Variants in TMEM132C observed in about 807,000 individuals in gnomAD.
TMEM132C encodes the protein transmembrane protein 132C, also known as protein phosphatase 1, regulatory subunit 152.
In TMEM132C, 29 loss-of-function variants were observed where a neutral mutation model predicts 61.4. The ratio of observed to expected loss-of-function variants is 0.47; its 90% CI spans 0.35 to 0.64. TMEM132C has a LOEUF of 0.64. Among genes scored for constraint, TMEM132C ranks in the 30% least tolerant of loss-of-function variants. TMEM132C has a pLI of 0.00. For missense variants in TMEM132C, 1,408 were observed against 1,476.9 expected (o/e 0.95, Z 0.76); for synonymous variants, 656 against 633.1 (o/e 1.04, Z -0.54).
chr12:128,411,710 G>T (rs2136018484), intron 1 of TMEM132C, among the ~76,000 whole-genome samples: 1 of 152,158 alleles, frequency 6.6e-6, no homozygotes, highest in Non-Finnish European at 1.5e-5. Context: ...TTGCTCTTGG[G>T]ATCTCATTGA....
At chr12:128,692,181 C>T (rs189269363) in intron 5 of TMEM132C, among the ~76,000 whole-genome samples, 1 of 152,354 alleles carries the variant, frequency 6.6e-6, no homozygotes, top group African/African-American at 2.4e-5. Flanking sequence ...CACCCATTCA[C>T]CTGTCCATCC....
chr12:128,359,447 C>A (rs1031423632), intron 1 of TMEM132C, among the ~76,000 whole-genome samples: 1 of 152,194 alleles, frequency 6.6e-6, no homozygotes, highest in Non-Finnish European at 1.5e-5. Context: ...CTGGCCCCAC[C>A]CTTGCCATGT....
intron 2 of TMEM132C, among the ~76,000 whole-genome samples, chr12:128,458,283 A>T (rs921453031): frequency 1.4e-5 from 1 of 70,582 alleles, no homozygotes; most frequent in Non-Finnish European, 2.5e-5. Flanking sequence ...TATAATATTT[A>T]GTATTGTAAT....
chr12:128,362,315 T>A (rs1054978254), intron 1 of TMEM132C, among the ~76,000 whole-genome samples: 1 of 152,020 alleles, frequency 6.6e-6, no homozygotes, highest in Non-Finnish European at 1.5e-5. Flanking sequence ...CACCCATGAG[T>A]TCTTGCATCT....
chr12:128,358,811 C>G (rs1419956277), intron 1 of TMEM132C, among the ~76,000 whole-genome samples: 1 of 152,110 alleles, frequency 6.6e-6, no homozygotes, highest in African/African-American at 2.4e-5. Flanking sequence ...CGCACACAGG[C>G]TTCCAAGATA....
At chr12:128,682,652 A>G (rs1954645008) in intron 5 of TMEM132C, among the ~76,000 whole-genome samples, 2 of 152,224 alleles carry the variant, frequency 1.3e-5, no homozygotes, top group South Asian at 2.1e-4. Flanking sequence ...AAAATATCAG[A>G]CATATAACGC....
chr12:128,665,117 TCACA>T (rs768340152), intron 4 of TMEM132C, among the ~76,000 whole-genome samples: 10 of 95,536 alleles, frequency 1.0e-4, no homozygotes, highest in South Asian at 3.5e-4. Flanking sequence ...ACACAGGCAC[TCACA>T]CACACATAGG....
At chr12:128,490,205 G>A (rs1019641589) in intron 2 of TMEM132C, among the ~76,000 whole-genome samples, 5 of 152,212 alleles carry the variant, frequency 3.3e-5, no homozygotes, top group African/African-American at 9.7e-5. Context: ...AAGAGACTGG[G>A]TTTTGAGCCA....
chr12:128,626,741 G>A (rs71464404), intron 4 of TMEM132C, among the ~76,000 whole-genome samples: 4,158 of 152,202 alleles, frequency 0.027, 79 homozygotes, highest in Middle Eastern at 0.054. Context: ...CACCATGCCC[G>A]GCCAGTAACT....
At chr12:128,583,294 ATAAG>A (rs34923695) in intron 3 of TMEM132C, among the ~76,000 whole-genome samples, 58,125 of 151,638 alleles carry the variant, frequency 0.38, 11,778 homozygotes, top group South Asian at 0.56. Flanking sequence ...CAACATATAC[ATAAG>A]TAAGAGTTTT....
intron 4 of TMEM132C, among the ~76,000 whole-genome samples, chr12:128,651,290 G>C (rs79084011): frequency 6.6e-6 from 1 of 152,088 alleles, no homozygotes; most frequent in African/African-American, 2.4e-5. Context: ...ATCTGCAGTT[G>C]TCTGCAGCCC....
At chr12:128,548,472 G>A (rs923819243) in intron 3 of TMEM132C, among the ~76,000 whole-genome samples, 1 of 152,176 alleles carries the variant, frequency 6.6e-6, no homozygotes, top group African/African-American at 2.4e-5. Context: ...TTGTGAAGGT[G>A]TTGCAGTATG....
At position 128,696,092 on chromosome 12, in the gene TMEM132C, A is replaced by G; in HGVS notation, c.1918A>G (p.Thr640Ala). ...RVLVGREVGM[T>A]TIQVLSPLSD... ...CCTGGTTGGGCGAGAGGTTGGGATG[A>G]CGACCATCCAGGTAGGAAGCTGGGA... Residue 640 changes from threonine (T) to alanine (A), a missense_variant, in exon 7 of 9, where the codon ACG (threonine) becomes GCG (alanine). Thr to Ala is a moderately conservative substitution (Grantham distance 58). Transcript: ENST00000435159. 6.4e-7 allele frequency: 1 copy of G among 1,551,354 alleles called. No individual in the cohort carries two copies. The highest frequency in any genetic ancestry group is 8.7e-7 in the Non-Finnish European group (1 of 1,146,826).
At chr12:128,270,032 C>G (rs752074490) in intron 1 of TMEM132C, among the ~76,000 whole-genome samples, 10 of 152,160 alleles carry the variant, frequency 6.6e-5, no homozygotes, top group African/African-American at 9.7e-5. Context: ...AGAAAGAAAT[C>G]TTTTCCTAAG....
intron 1 of TMEM132C, among the ~76,000 whole-genome samples, chr12:128,329,625 C>T (rs550679348): frequency 9.9e-5 from 15 of 152,160 alleles, no homozygotes; most frequent in African/African-American, 3.6e-4. Flanking sequence ...AGATGGATGC[C>T]CCTTGATCAG....
intron 3 of TMEM132C, among the ~76,000 whole-genome samples, chr12:128,591,028 C>T (rs1875731088): frequency 6.6e-6 from 1 of 152,190 alleles, no homozygotes; most frequent in Non-Finnish European, 1.5e-5. Flanking sequence ...AGTGATCCTC[C>T]TGCCTCAGCC....
intron 3 of TMEM132C, among the ~76,000 whole-genome samples, chr12:128,565,877 A>G (rs1481063512): frequency 2.2e-5 from 3 of 138,982 alleles, no homozygotes; most frequent in African/African-American, 9.1e-5. Flanking sequence ...AAATAGGTGA[A>G]AAAAAAAAAA....
chr12:128,340,005 G>C (rs1009655359), intron 1 of TMEM132C, among the ~76,000 whole-genome samples: 1 of 152,306 alleles, frequency 6.6e-6, no homozygotes, highest in East Asian at 1.9e-4. Flanking sequence ...AAAAAGAACA[G>C]TAACATTTGG....
At chr12:128,359,315 A>C (rs1426510724) in intron 1 of TMEM132C, among the ~76,000 whole-genome samples, 3 of 152,174 alleles carry the variant, frequency 2.0e-5, no homozygotes, top group Non-Finnish European at 4.4e-5. Context: ...TACATGGTGG[A>C]AGACAAGAGA....
Sources: gnomAD v4.1 joint callset for allele counts (sites outside exome capture counted in the v4.1 genomes callset) on GRCh38, gnomAD v4.1.1 for gene constraint, MANE v1.5 for transcripts, NCBI Gene and HGNC (gene_info 2026-07-23, HGNC 2026-07-21) for gene names.